LRFN2: variants seen among roughly 807,000 people sequenced by gnomAD.
LRFN2 encodes leucine-rich repeat and fibronectin type-III domain-containing protein 2.
LRFN2 carries 18 observed loss-of-function variants against 37.3 expected under a neutral mutation model. The observed-to-expected ratio is 0.48, with a 90% CI of 0.33 to 0.72. The LOEUF (loss-of-function observed/expected upper bound fraction) is 0.72. Ranked by LOEUF, LRFN2 falls within the 30% of genes least tolerant of loss-of-function variation. LRFN2 has a pLI of 0.02. For missense variants in LRFN2, 1,006 were observed against 1,060.7 expected (o/e 0.95, Z 0.72); for synonymous variants, 556 against 466.6 (o/e 1.19, Z -2.47).
rs143020335 is a variant in LRFN2, at chr6:40,552,914, T to C, written c.-19+34027A>G. On this transcript the variant is annotated intron_variant, in intron 1 of 2. Coordinates refer to ENST00000338305, the MANE Select transcript of LRFN2 (RefSeq NM_020737.3). ...TTGGAGTGTTCTTATCCTATTCTCA[T>C]TTATCTTAATCAGTAAAAATCCCAT... 4.2e-3 allele frequency among the ~76,000 whole-genome samples: 643 copies of C among 152,328 alleles called. 1 individual carries two copies. Among genetic ancestry groups the C allele is most frequent in the African/African-American group, 0.014 (591 of 41,570 alleles).
At chr6:40,567,356 C>A (rs894091976) in intron 1 of LRFN2, among the ~76,000 whole-genome samples, 8 of 152,180 alleles carry the variant, frequency 5.3e-5, no homozygotes, top group Admixed American at 3.9e-4. Flanking sequence ...TGCTTCCAGC[C>A]AATAGGACAA....
chr6:40,555,121 A>G (rs1766844918), intron 1 of LRFN2, among the ~76,000 whole-genome samples: 1 of 152,166 alleles, frequency 6.6e-6, no homozygotes, highest in Non-Finnish European at 1.5e-5. Flanking sequence ...TAGAAAGGCC[A>G]GTAGAATTAA....
intron 1 of LRFN2, among the ~76,000 whole-genome samples, chr6:40,464,946 G>A (rs1764425820): frequency 6.6e-6 from 1 of 152,144 alleles, no homozygotes; most frequent in African/African-American, 2.4e-5. Flanking sequence ...ATGAATATGT[G>A]AGGTTACATG....
At chr6:40,407,046 C>A (rs977400915) in intron 2 of LRFN2, among the ~76,000 whole-genome samples, 2 of 152,188 alleles carry the variant, frequency 1.3e-5, no homozygotes, top group Admixed American at 6.5e-5. Flanking sequence ...TCACACTGAG[C>A]AGACTGTCAA....
chr6:40,534,029 C>T (rs71573313), intron 1 of LRFN2, among the ~76,000 whole-genome samples: 1 of 152,356 alleles, frequency 6.6e-6, no homozygotes, highest in Admixed American at 6.5e-5. Flanking sequence ...AACTTCCCTT[C>T]CACTTTCTAC....
At chr6:40,426,430 G>A (rs1197028084) in intron 2 of LRFN2, among the ~76,000 whole-genome samples, 4 of 152,138 alleles carry the variant, frequency 2.6e-5, no homozygotes, top group African/African-American at 7.2e-5. Flanking sequence ...TTCACCAAAT[G>A]TTGACTCTAT....
At chr6:40,421,293 A>G (rs1763222954) in intron 2 of LRFN2, among the ~76,000 whole-genome samples, 1 of 152,182 alleles carries the variant, frequency 6.6e-6, no homozygotes, top group Non-Finnish European at 1.5e-5. Flanking sequence ...TTATTTTGCC[A>G]AGGTTAAGGA....
chr6:40,576,421 T>G (rs887102571), intron 1 of LRFN2, among the ~76,000 whole-genome samples: 3 of 152,204 alleles, frequency 2.0e-5, no homozygotes, highest in African/African-American at 7.2e-5. Context: ...AATGTTGTAC[T>G]GTAATTTAAA....
At chr6:40,538,539 A>G (rs975092452) in intron 1 of LRFN2, among the ~76,000 whole-genome samples, 2 of 152,240 alleles carry the variant, frequency 1.3e-5, no homozygotes, top group African/African-American at 4.8e-5. Flanking sequence ...CTGCAACAAC[A>G]AATTGGCCAC....
At chr6:40,560,566 G>A (rs1370133832) in intron 1 of LRFN2, among the ~76,000 whole-genome samples, 1 of 152,192 alleles carries the variant, frequency 6.6e-6, no homozygotes. Flanking sequence ...AGGAGGCAAA[G>A]CTTCTCTTAC....
intron 1 of LRFN2, among the ~76,000 whole-genome samples, chr6:40,499,793 T>A (rs1409334612): frequency 6.6e-6 from 1 of 152,158 alleles, no homozygotes; most frequent in Non-Finnish European, 1.5e-5. Flanking sequence ...AGTAGGTCAG[T>A]GGGTTTGGAG....
intron 2 of LRFN2, among the ~76,000 whole-genome samples, chr6:40,411,860 T>G (rs558990532): frequency 3.3e-4 from 50 of 152,106 alleles, no homozygotes; most frequent in Non-Finnish European, 6.8e-4. Flanking sequence ...CCCATATCAT[T>G]TACTCATTTG....
At chr6:40,503,417 C>T (rs539522675) in intron 1 of LRFN2, among the ~76,000 whole-genome samples, 1 of 152,246 alleles carries the variant, frequency 6.6e-6, no homozygotes, top group African/African-American at 2.4e-5. Context: ...CACTTAGCTG[C>T]TCACTGGTGC....
Position 40,391,785 on chromosome 6 carries a change from G to T in LRFN2, c.*158C>A. ...GGCCGGGTGGTGGGGAGGTGATGTGGGTGTTGCGGGGTAGGGGGGGACACG... is the reference window on the plus strand; with the variant it reads ...GGCCGGGTGGTGGGGAGGTGATGTGTGTGTTGCGGGGTAGGGGGGGACACG... On this transcript the variant is annotated 3_prime_UTR_variant, in exon 3 of 3. Transcript: ENST00000338305. 1 of 636,200 alleles carries T rather than the reference G, an allele frequency of 1.6e-6. No individual in the cohort carries two copies. Among genetic ancestry groups the T allele is most frequent in the Non-Finnish European group, 2.4e-6 (1 of 413,012 alleles). The allele number at this position is 636,200 out of a possible 1,614,324, so 39.4% of individuals were successfully genotyped here.
intron 1 of LRFN2, among the ~76,000 whole-genome samples, chr6:40,559,829 T>C (rs1481505085): frequency 6.6e-6 from 1 of 152,142 alleles, no homozygotes; most frequent in Non-Finnish European, 1.5e-5. Flanking sequence ...CCAGTCTTAT[T>C]CACAAATCTT....
rs140611678 is a variant in LRFN2, at chr6:40,431,843, C to T, written c.1271G>A (p.Arg424Gln). 37 of 1,580,540 alleles carry T rather than the reference C, an allele frequency of 2.3e-5. No individual in the cohort carries two copies. The highest frequency in any genetic ancestry group is 1.7e-4 in the Middle Eastern group (1 of 5,898). ...GGEPPKSPPERAVLVSEVTTT... is the reference protein window; with the variant it reads ...GGEPPKSPPEQAVLVSEVTTT... ...GGTCACTTCAGACACAAGCACAGCCCGTTCCGGGGGGCTTTTGGGAGGCTC... is the reference window on the plus strand; with the variant it reads ...GGTCACTTCAGACACAAGCACAGCCTGTTCCGGGGGGCTTTTGGGAGGCTC... Residue 424 changes from arginine to glutamine, a missense_variant, in exon 2 of 3, where the codon CGG (arginine) becomes CAG (glutamine). By Grantham distance (43) the Arg-to-Gln change is conservative (BLOSUM62 1). Around this residue, in one of 4 missense-constraint regions of LRFN2, gnomAD observed 303 missense variants for 299.8 expected, o/e 1.01. Coordinates refer to ENST00000338305, the MANE Select transcript of LRFN2 (RefSeq NM_020737.3).
chr6:40,508,858 C>T (rs189624847), intron 1 of LRFN2, among the ~76,000 whole-genome samples: 21 of 152,316 alleles, frequency 1.4e-4, no homozygotes, highest in Admixed American at 9.1e-4. Flanking sequence ...ACTCTGCTAA[C>T]GACCACATCA....
At chr6:40,435,823 G>T (rs866366445) in intron 1 of LRFN2, among the ~76,000 whole-genome samples, 2 of 152,094 alleles carry the variant, frequency 1.3e-5, no homozygotes, top group African/African-American at 2.4e-5. Flanking sequence ...TTTTAAAAAA[G>T]ATACGTAATA....
intron 1 of LRFN2, among the ~76,000 whole-genome samples, chr6:40,453,675 G>A (rs893825719): frequency 7.2e-5 from 11 of 152,068 alleles, no homozygotes; most frequent in African/African-American, 2.7e-4. Flanking sequence ...TAGCCTAGAG[G>A]GAAGCGTGAT....
Sources: allele counts gnomAD v4.1 joint callset (sites outside exome capture counted in the v4.1 genomes callset), GRCh38; gene constraint gnomAD v4.1.1; regional missense constraint gnomAD v4.1.1; transcripts MANE v1.5; gene names NCBI Gene and HGNC (gene_info 2026-07-23, HGNC 2026-07-21).